PBK: variants seen among roughly 807,000 people sequenced by gnomAD.
PBK encodes PDZ binding kinase.
A neutral mutation model predicts 33.5 loss-of-function variants in PBK; 22 were observed. That is an observed-to-expected ratio of 0.66 (90% CI 0.47 to 0.94). The LOEUF (loss-of-function observed/expected upper bound fraction) is 0.94, where lower values mean the gene tolerates loss of function less well. PBK is among the 40% of genes least tolerant of loss of function. PBK has a pLI of 0.00. For synonymous variants in PBK, 129 were observed against 123.8 expected (o/e 1.04, Z -0.28); for missense variants, 376 against 383.4 (o/e 0.98, Z 0.16).
chr8:27,832,149 C>G (rs1806143008), intron 2 of PBK, among the ~76,000 whole-genome samples: 1 of 152,048 alleles, frequency 6.6e-6, no homozygotes, highest in African/African-American at 2.4e-5. Context: ...TGGCTTTACA[C>G]AAGGAAGTTC....
At chr8:27,832,963 G>T in intron 2 of PBK, 93 bp downstream of exon 2, 1 of 703,978 alleles carries the variant, frequency 1.4e-6, no homozygotes, top group Non-Finnish European at 2.4e-6. Flanking sequence ...GTTTCTAAGT[G>T]ACCGATAATA....
chr8:27,814,290 C>A (rs1408238333), intron 6 of PBK, among the ~76,000 whole-genome samples: 2 of 151,986 alleles, frequency 1.3e-5, no homozygotes, highest in African/African-American at 4.8e-5. Flanking sequence ...AGAAATTGTC[C>A]TTTTCATCTA....
intron 2 of PBK, among the ~76,000 whole-genome samples, chr8:27,829,024 C>T (rs1663906785): frequency 1.3e-5 from 2 of 152,090 alleles, no homozygotes. Context: ...TCACATAATC[C>T]AGAAGTCCTG....
Position 27,833,358 on chromosome 8 carries a change from A to G in PBK, c.-20-225T>C, listed in dbSNP as rs147278065. 2.4e-3 allele frequency among the ~76,000 whole-genome samples: 368 copies of G among 152,128 alleles called. 1 individual carries two copies. The highest frequency in any genetic ancestry group is 8.5e-3 in the African/African-American group (354 of 41,476). ...AACCCCGTCTCTACTAAAAATACAA[A>G]ATCAGCCAGGCGTGGTGGCGCATGC... On this transcript the variant is annotated intron_variant, in intron 1 of 7. Transcript: ENST00000301905.
chr8:27,826,795 C>CA (rs5890381), intron 3 of PBK, among the ~76,000 whole-genome samples: 2,369 of 65,964 alleles, frequency 0.036, 128 homozygotes, highest in Middle Eastern at 0.044. Flanking sequence ...GACTCCGTCT[C>CA]AAAAAAAAAA....
intron 6 of PBK, among the ~76,000 whole-genome samples, chr8:27,819,484 T>G (rs1805878510): frequency 6.6e-6 from 1 of 152,158 alleles, no homozygotes; most frequent in Non-Finnish European, 1.5e-5. Flanking sequence ...CGGAAGTGTT[T>G]TAAATTCCTA....
chr8:27,823,434 A>G (rs909032147), intron 3 of PBK, among the ~76,000 whole-genome samples: 2 of 152,094 alleles, frequency 1.3e-5, no homozygotes, highest in African/African-American at 4.8e-5. Flanking sequence ...GGAGAGGATG[A>G]AAAGAATTTG....
chr8:27,817,246 A>C (rs1225441281), intron 6 of PBK, among the ~76,000 whole-genome samples: 1 of 152,090 alleles, frequency 6.6e-6, no homozygotes, highest in Non-Finnish European at 1.5e-5. Flanking sequence ...TCTATTGAAA[A>C]TACTCTCATA....
chr8:27,820,824 A>ATTTTTTTTTT, intron 5 of PBK, 130 bp from the exon 6 acceptor site: 2 of 384,998 alleles, frequency 5.2e-6, no homozygotes, highest in Non-Finnish European at 4.5e-6. Flanking sequence ...GCGTTTCAAA[A>ATTTTTTTTTT]TTTTTTTTTT....
chr8:27,826,470 C>CCTGT (rs1806025235), intron 3 of PBK, among the ~76,000 whole-genome samples: 1 of 150,454 alleles, frequency 6.6e-6, no homozygotes, highest in Non-Finnish European at 1.5e-5. Flanking sequence ...AAAAGAAATC[C>CCTGT]CAGGTTGACA....
chr8:27,823,224 T>TA lies in PBK; in HGVS notation c.153-20dup. Reference sequence around the variant, plus strand: ...TGGAGATCTAAGAAAAAAATTCATTTAAAAAGGATAGAAAACAATAAAACC... The same window carrying TA: ...TGGAGATCTAAGAAAAAAATTCATTTAAAAAAGGATAGAAAACAATAAAACC... On this transcript the variant is annotated intron_variant, in intron 3 of 7. Transcript: ENST00000301905. 2 of 1,455,070 alleles carry TA rather than the reference T, an allele frequency of 1.4e-6. No homozygotes were observed. The highest frequency in any genetic ancestry group is 4.7e-5 in the East Asian group (2 of 42,542). The allele number at this position is 1,455,070 out of a possible 1,614,324, so 90.1% of individuals were successfully genotyped here. A position where few individuals can be genotyped will look rare whatever the true frequency, so the allele number is the denominator to read the frequency against.
chr8:27,826,578 C>T (rs1462129811), intron 3 of PBK, among the ~76,000 whole-genome samples: 1 of 108,784 alleles, frequency 9.2e-6, no homozygotes, highest in Non-Finnish European at 1.8e-5. Flanking sequence ...GGGCGGATCA[C>T]GAGGTCAGGA....
At chr8:27,817,156 C>T (rs2128962463) in intron 6 of PBK, among the ~76,000 whole-genome samples, 1 of 152,250 alleles carries the variant, frequency 6.6e-6, no homozygotes, top group South Asian at 2.1e-4. Flanking sequence ...GAGCTGCCAA[C>T]ACATTTCCCA....
chr8:27,823,997 AAG>A (rs1805980308), intron 3 of PBK, among the ~76,000 whole-genome samples: 1 of 149,462 alleles, frequency 6.7e-6, no homozygotes, highest in African/African-American at 2.6e-5. Flanking sequence ...AACACAAAAC[AAG>A]AGATTGAATC....
At chr8:27,817,624 A>G (rs985068977) in intron 6 of PBK, among the ~76,000 whole-genome samples, 5 of 152,004 alleles carry the variant, frequency 3.3e-5, no homozygotes, top group African/African-American at 1.2e-4. Flanking sequence ...ATAATATATC[A>G]GGTTATTATA....
At chr8:27,810,871 C>CT in intron 7 of PBK, 87 bp downstream of exon 7, 2 of 871,294 alleles carry the variant, frequency 2.3e-6, no homozygotes, top group Non-Finnish European at 3.6e-6. Flanking sequence ...GTCATCAGTA[C>CT]TAATACATAT....
chr8:27,833,168 A>T, intron 1 of PBK, 35 bp from the exon 2 acceptor site: 1 of 1,089,160 alleles, frequency 9.2e-7, no homozygotes, highest in Non-Finnish European at 1.4e-6. Context: ...TACACAGCAG[A>T]TATAAAGAAT....
At chr8:27,822,055 G>C (rs1188438617) in intron 5 of PBK, among the ~76,000 whole-genome samples, 1 of 152,094 alleles carries the variant, frequency 6.6e-6, no homozygotes, top group Non-Finnish European at 1.5e-5. Context: ...CTACCATCTA[G>C]GTGTGTGTAA....
At chr8:27,816,667 C>T (rs28402198) in intron 6 of PBK, among the ~76,000 whole-genome samples, 23,818 of 151,696 alleles carry the variant, frequency 0.16, 2,383 homozygotes, top group East Asian at 0.36. Context: ...TCAGCCACTG[C>T]GCCCAGCCAG....
Sources: allele counts gnomAD v4.1 joint callset (sites outside exome capture counted in the v4.1 genomes callset), GRCh38; gene constraint gnomAD v4.1.1; transcripts MANE v1.5; gene names NCBI Gene and HGNC (gene_info 2026-07-23, HGNC 2026-07-21).